PCDH15: variants seen among roughly 807,000 people sequenced by gnomAD.
The protein encoded by PCDH15 is protocadherin-15.
Under a neutral mutation model 178.5 loss-of-function variants are expected in PCDH15, and 129 were observed. The observed-to-expected ratio is 0.72, with a 90% CI of 0.63 to 0.84. PCDH15 has a LOEUF of 0.84. PCDH15 is among the 40% of genes least tolerant of loss of function. PCDH15 has a pLI of 0.00. For missense variants in PCDH15, 2,230 were observed against 2,099.9 expected, an observed-to-expected ratio of 1.06 and a Z score of -1.21; for synonymous variants, 800 against 732.0, an observed-to-expected ratio of 1.09 and a Z score of -1.50.
chr10:55,358,165 G>A (rs1293858813), intron 2 of PCDH15, among the ~76,000 whole-genome samples: 2 of 152,024 alleles, frequency 1.3e-5, no homozygotes, highest in Admixed American at 1.3e-4. Context: ...TCTGTAAACT[G>A]AACACTTCTT....
Position 54,010,661 on chromosome 10 carries a change from C to T in PCDH15, c.2751+9531G>A, listed in dbSNP as rs142355118. Among the ~76,000 whole-genome samples the T allele has an allele frequency of 1.9e-3, 296 of 152,250 alleles. 2 individuals carry two copies. Among genetic ancestry groups the T allele is most frequent in the African/African-American group, 6.7e-3 (277 of 41,538 alleles). ...TGGTGAGAAAACCCCAGAGACAATCCACAACCTCTCTGTGACTGCAGCTAC... is the reference window on the plus strand; with the variant it reads ...TGGTGAGAAAACCCCAGAGACAATCTACAACCTCTCTGTGACTGCAGCTAC... On this transcript the variant is annotated intron_variant, in intron 20 of 37. Coordinates refer to ENST00000644397, the MANE Select transcript of PCDH15 (RefSeq NM_001384140.1).
chr10:55,624,720 A>G (rs1288467801), intron 2 of PCDH15, among the ~76,000 whole-genome samples: 2 of 152,176 alleles, frequency 1.3e-5, no homozygotes, highest in African/African-American at 4.8e-5. Context: ...GACCACAGTA[A>G]TGAATGACCA....
At chr10:55,331,854 C>G (rs950311580) in intron 2 of PCDH15, among the ~76,000 whole-genome samples, 8 of 152,070 alleles carry the variant, frequency 5.3e-5, no homozygotes, top group Non-Finnish European at 8.8e-5. Flanking sequence ...TAGTGTAAAT[C>G]TCACTCACCA....
intron 2 of PCDH15, among the ~76,000 whole-genome samples, chr10:55,400,062 A>G (rs1838026503): frequency 6.6e-6 from 1 of 152,090 alleles, no homozygotes; most frequent in African/African-American, 2.4e-5. Flanking sequence ...TATGTGTTCA[A>G]TCTTTAAAAC....
At chr10:54,060,051 AT>A (rs2093981551) in intron 18 of PCDH15, among the ~76,000 whole-genome samples, 1 of 152,238 alleles carries the variant, frequency 6.6e-6, no homozygotes. Flanking sequence ...CATGAGCTCT[AT>A]TTTGATAATA....
At chr10:54,269,920 A>C (rs1285780822) in intron 8 of PCDH15, among the ~76,000 whole-genome samples, 2 of 151,994 alleles carry the variant, frequency 1.3e-5, no homozygotes, top group Non-Finnish European at 2.9e-5. Flanking sequence ...ACACATAATA[A>C]ATTTCTAAGT....
chr10:54,052,866 C>A (rs922315024), intron 18 of PCDH15, among the ~76,000 whole-genome samples: 7 of 152,094 alleles, frequency 4.6e-5, no homozygotes, highest in African/African-American at 1.7e-4. Flanking sequence ...GCAATTACCT[C>A]CATGCTGTTC....
chr10:55,376,636 G>C (rs1387898811), intron 2 of PCDH15, among the ~76,000 whole-genome samples: 1 of 151,860 alleles, frequency 6.6e-6, no homozygotes, highest in Non-Finnish European at 1.5e-5. Flanking sequence ...TTAACATTTT[G>C]ATCTTATTGG....
At chr10:55,616,348 A>T (rs1843473993) in intron 2 of PCDH15, among the ~76,000 whole-genome samples, 1 of 152,228 alleles carries the variant, frequency 6.6e-6, no homozygotes, top group Non-Finnish European at 1.5e-5. Flanking sequence ...ACTGGCATAA[A>T]AATGTTCATA....
intron 1 of PCDH15, chr10:55,166,656 A>G (rs1251896696): frequency 6.6e-6 from 1 of 152,222 alleles, no homozygotes; most frequent in Non-Finnish European, 1.5e-5. Flanking sequence ...ATTTTCCTGT[A>G]GAATAGAGTT....
intron 3 of PCDH15, among the ~76,000 whole-genome samples, chr10:54,403,988 A>G (rs1952279493): frequency 6.6e-6 from 1 of 152,038 alleles, no homozygotes; most frequent in African/African-American, 2.4e-5. Context: ...AATGGAAAAC[A>G]TTCCATGCTA....
intron 1 of PCDH15, among the ~76,000 whole-genome samples, chr10:55,224,749 A>G (rs549301988): frequency 6.6e-6 from 1 of 152,116 alleles, no homozygotes; most frequent in South Asian, 2.1e-4. Flanking sequence ...AACCCATACC[A>G]TGGCCTACAG....
chr10:54,810,564 ATACTT>A (rs1198402613), intron 3 of PCDH15, among the ~76,000 whole-genome samples: 5 of 152,162 alleles, frequency 3.3e-5, no homozygotes, highest in African/African-American at 1.2e-4. Context: ...AAAAAATAAT[ATACTT>A]TAATACCTTG....
At chr10:55,197,980 T>C (rs972455912) in intron 1 of PCDH15, among the ~76,000 whole-genome samples, 4 of 152,134 alleles carry the variant, frequency 2.6e-5, no homozygotes, top group African/African-American at 4.8e-5. Context: ...GTGCTGAATA[T>C]TCAGACATCT....
At chr10:54,282,445 T>C (rs547795507) in intron 8 of PCDH15, among the ~76,000 whole-genome samples, 1 of 152,166 alleles carries the variant, frequency 6.6e-6, no homozygotes, top group Non-Finnish European at 1.5e-5. Context: ...TAGCTGACAT[T>C]TGAACACAAA....
intron 2 of PCDH15, among the ~76,000 whole-genome samples, chr10:55,455,918 C>A (rs1839540595): frequency 6.6e-6 from 1 of 152,082 alleles, no homozygotes; most frequent in Non-Finnish European, 1.5e-5. Flanking sequence ...CTGAGGCTGT[C>A]TTCTTACACC....
Position 54,023,085 on chromosome 10 carries a change from T to C in PCDH15, c.2333A>G (p.Asn778Ser), listed in dbSNP as rs754777315. 9 of 1,614,036 alleles carry C rather than the reference T, an allele frequency of 5.6e-6. No homozygotes were observed. The highest frequency in any genetic ancestry group is 2.5e-6 in the Non-Finnish European group (3 of 1,179,930). Reference sequence around the variant, plus strand: ...TTCATAGTAGTCCCTGACTTCTCTGTTAAGCTTCACTGCTGTGTAAATGCT... The same window carrying C: ...TTCATAGTAGTCCCTGACTTCTCTGCTAAGCTTCACTGCTGTGTAAATGCT... ...NGSIYTAVKL[N>S]REVRDYYELV... The change falls in exon 19 of 38, where the codon AAC becomes AGC. Residue 778 changes from asparagine (N) to serine (S), a missense_variant. By Grantham distance (46) the Asn-to-Ser change is conservative (BLOSUM62 1). Transcript: ENST00000644397.
chr10:55,228,170 T>C (rs2132194159), intron 1 of PCDH15, among the ~76,000 whole-genome samples: 1 of 152,206 alleles, frequency 6.6e-6, no homozygotes. Context: ...GGGTGAAACA[T>C]AATAAGCATA....
At chr10:54,243,541 T>C (rs2055626072) in intron 8 of PCDH15, among the ~76,000 whole-genome samples, 1 of 152,186 alleles carries the variant, frequency 6.6e-6, no homozygotes, top group Admixed American at 6.5e-5. Context: ...TTAGTCTCAT[T>C]TCATATTACA....
Sources: gnomAD v4.1 joint callset for allele counts (sites outside exome capture counted in the v4.1 genomes callset) on GRCh38, gnomAD v4.1.1 for gene constraint, MANE v1.5 for transcripts, NCBI Gene and HGNC (gene_info 2026-07-23, HGNC 2026-07-21) for gene names.